FARSB: variants seen among roughly 807,000 people sequenced by gnomAD.
FARSB encodes the protein phenylalanyl-tRNA synthetase subunit beta.
In FARSB, 40 loss-of-function variants were observed where a neutral mutation model predicts 69.6. The observed-to-expected ratio is 0.57, with a 90% CI of 0.45 to 0.75. The LOEUF (loss-of-function observed/expected upper bound fraction) is 0.75, where lower values mean the gene tolerates loss of function less well. Ranked by LOEUF, FARSB falls within the 30% of genes least tolerant of loss-of-function variation. The pLI is 0.00. For synonymous variants in FARSB, 235 were observed against 247.2 expected (o/e 0.95, Z 0.46); for missense variants, 632 against 722.9 (o/e 0.87, Z 1.44).
chr2:222,601,143 G>C (rs181920457), intron 15 of FARSB, among the ~76,000 whole-genome samples: 17 of 152,250 alleles, frequency 1.1e-4, no homozygotes, highest in Admixed American at 5.2e-4. Context: ...AATTGATATT[G>C]AATGAGTATA....
At chr2:222,609,223 T>C (rs1193911017) in intron 15 of FARSB, among the ~76,000 whole-genome samples, 2 of 152,206 alleles carry the variant, frequency 1.3e-5, no homozygotes, top group African/African-American at 2.4e-5. Context: ...AGCCTGAATA[T>C]TGGATTTTGC....
chr2:222,615,464 C>T (rs1436370114), intron 14 of FARSB, among the ~76,000 whole-genome samples: 1 of 152,162 alleles, frequency 6.6e-6, no homozygotes, highest in Non-Finnish European at 1.5e-5. Context: ...TGTGATGTGC[C>T]CTGACTCCCT....
At position 222,623,687 on chromosome 2, in the gene FARSB, G is replaced by A. The variant is rs1450635714; in HGVS notation, c.1214C>T (p.Ala405Val). Residue 405 changes from alanine (A) to valine (V), a missense_variant, in exon 13 of 17, where the codon GCA becomes GTA. Ala to Val is a moderately conservative substitution (Grantham distance 64). Transcript: ENST00000281828. Reference sequence around the variant, plus strand: ...AAGTGCTTCAGTGAAGCCAGCGGCTGCCATGTCATGTCGGAGAAGTTCAGT... The same window carrying A: ...AAGTGCTTCAGTGAAGCCAGCGGCTACCATGTCATGTCGGAGAAGTTCAGT... ...KLTELLRHDMAAAGFTEALTF... is the reference protein window; with the variant it reads ...KLTELLRHDMVAAGFTEALTF... The A allele has an allele frequency of 1.2e-6, 2 of 1,611,946 alleles. No homozygotes were observed. Among genetic ancestry groups the A allele is most frequent in the Admixed American group, 1.7e-5 (1 of 59,988 alleles).
intron 2 of FARSB, among the ~76,000 whole-genome samples, chr2:222,646,801 C>CT (rs972474001): frequency 5.3e-5 from 8 of 152,118 alleles, no homozygotes; most frequent in African/African-American, 1.9e-4. Context: ...TATGTTTTAC[C>CT]TTTTTCTTCA....
intron 15 of FARSB, among the ~76,000 whole-genome samples, chr2:222,601,711 G>A (rs1690565635): frequency 6.6e-6 from 1 of 151,836 alleles, no homozygotes; most frequent in South Asian, 2.1e-4. Flanking sequence ...GCCCACCCTG[G>A]CGCAACCACA....
chr2:222,597,304 A>G (rs1243248787), intron 16 of FARSB, among the ~76,000 whole-genome samples: 1 of 152,230 alleles, frequency 6.6e-6, no homozygotes, highest in Non-Finnish European at 1.5e-5. Flanking sequence ...TGTAGATTCA[A>G]AAGGAACCAC....
intron 15 of FARSB, among the ~76,000 whole-genome samples, chr2:222,602,838 C>CA (rs1168149089): frequency 6.6e-6 from 1 of 152,046 alleles, no homozygotes; most frequent in Non-Finnish European, 1.5e-5. Context: ...ACATTTTCTA[C>CA]AAATAATATT....
rs145722987 is a variant in FARSB, at chr2:222,591,629, G to A, written c.1618+8299C>T. Reference sequence around the variant, plus strand: ...AAACTTCTTCATTTTCTACAAGGGTGGGCTTCAAACTTTTGTAAGACAGGT... The same window carrying A: ...AAACTTCTTCATTTTCTACAAGGGTAGGCTTCAAACTTTTGTAAGACAGGT... On this transcript the variant is annotated intron_variant, in intron 16 of 16. Transcript: ENST00000281828. Among the ~76,000 whole-genome samples, 238 of 152,284 alleles carry A rather than the reference G, an allele frequency of 1.6e-3. 1 individual carries two copies. The highest frequency in any genetic ancestry group is 0.014 in the Admixed American group (207 of 15,286).
At chr2:222,579,510 C>T (rs1689917871) in intron 16 of FARSB, among the ~76,000 whole-genome samples, 1 of 152,098 alleles carries the variant, frequency 6.6e-6, no homozygotes, top group South Asian at 2.1e-4. Flanking sequence ...ATTTCAGATT[C>T]TTGAAACAAA....
intron 15 of FARSB, among the ~76,000 whole-genome samples, chr2:222,607,220 A>AATCCTTTT (rs527332559): frequency 1.4e-3 from 215 of 152,328 alleles, no homozygotes; most frequent in Non-Finnish European, 1.3e-3. Context: ...GTTTGTAAAA[A>AATCCTTTT]ATCCTTTTAT....
chr2:222,582,155 G>A (rs1271682736), intron 16 of FARSB, among the ~76,000 whole-genome samples: 1 of 152,218 alleles, frequency 6.6e-6, no homozygotes, highest in Non-Finnish European at 1.5e-5. Context: ...AATAGCAAAA[G>A]ATTGGAAACA....
chr2:222,640,922 A>G lies in FARSB; in HGVS notation c.279T>C (p.Ala93=). The part of the protein sequence containing the change: ...GLQVFKERIK[A]PVYKRVMPDG... ...CAGGCATTACCCGTTTATACACTGG[A>G]GCCTTTATCCTAAAATAATATTTAA... Residue 93 remains alanine, a synonymous_variant, in exon 4 of 17, where the codon GCT becomes GCC. Transcript: ENST00000281828. 8 of 1,495,460 alleles carry G rather than the reference A, an allele frequency of 5.3e-6. No homozygotes were observed. The highest frequency in any genetic ancestry group is 7.4e-6 in the Non-Finnish European group (8 of 1,088,148). 92.6% of individuals were successfully genotyped at this position (1,495,460 alleles called of 1,614,324 possible).
chr2:222,596,134 T>G (rs1007993509), intron 16 of FARSB, among the ~76,000 whole-genome samples: 5 of 152,146 alleles, frequency 3.3e-5, no homozygotes, highest in African/African-American at 1.2e-4. Flanking sequence ...AAGAAATATG[T>G]AAGACCAGGG....
At chr2:222,629,452 T>G (rs1384234118) in intron 9 of FARSB, among the ~76,000 whole-genome samples, 1 of 152,206 alleles carries the variant, frequency 6.6e-6, no homozygotes, top group Non-Finnish European at 1.5e-5. Flanking sequence ...TTTGCTCTTA[T>G]ATATGCTTCT....
rs73071969 is a variant in FARSB at position 222,615,237 on chromosome 2, T to C, written c.1345-1309A>G. Among the ~76,000 whole-genome samples the C allele has an allele frequency of 6.6e-3, 1,008 of 152,334 alleles. 8 individuals carry two copies. Among genetic ancestry groups the C allele is most frequent in the African/African-American group, 0.023 (971 of 41,572 alleles). On this transcript the variant is annotated intron_variant, in intron 14 of 16. Transcript: ENST00000281828. The stretch of plus-strand genomic sequence containing the variant: ...AACATTATTGTGAGAGTCTGGGCTC[T>C]GCATTCAGACCACAAGCACTATTAT...
intron 1 of FARSB, among the ~76,000 whole-genome samples, chr2:222,649,490 G>A (rs1691969554): frequency 3.3e-5 from 5 of 152,182 alleles, no homozygotes; most frequent in Admixed American, 1.3e-4. Context: ...ATGGTCTGAG[G>A]TGGCCTGACA....
intron 16 of FARSB, 122 bp downstream of exon 16, chr2:222,599,806 T>C (rs1251588368): frequency 4.0e-6 from 3 of 750,912 alleles, no homozygotes; most frequent in Non-Finnish European, 6.4e-6. Flanking sequence ...TGACAATTAA[T>C]TGAAATAAAA....
At chr2:222,577,645 C>T (rs1042282495) in intron 16 of FARSB, among the ~76,000 whole-genome samples, 2 of 152,206 alleles carry the variant, frequency 1.3e-5, no homozygotes, top group Non-Finnish European at 2.9e-5. Context: ...ACCTAGTCCT[C>T]TAAGTGATGG....
intron 16 of FARSB, among the ~76,000 whole-genome samples, chr2:222,598,164 G>A (rs560044188): frequency 2.0e-5 from 3 of 152,126 alleles, no homozygotes; most frequent in South Asian, 4.1e-4. Context: ...CTTCCTCTTC[G>A]GAAACATCAA....
Sources: gnomAD v4.1 joint callset for allele counts (sites outside exome capture counted in the v4.1 genomes callset) on GRCh38, gnomAD v4.1.1 for gene constraint, MANE v1.5 for transcripts, NCBI Gene and HGNC (gene_info 2026-07-23, HGNC 2026-07-21) for gene names.